Variants in KDM1B observed in about 807,000 individuals in gnomAD.
KDM1B encodes lysine demethylase 1B.
Under a neutral mutation model 107.4 loss-of-function variants are expected in KDM1B, and 63 were observed. The observed-to-expected ratio is 0.59, with a 90% CI of 0.48 to 0.72. KDM1B has a LOEUF of 0.72. Ranked by LOEUF, KDM1B falls within the 30% of genes least tolerant of loss-of-function variation. The pLI, the probability that KDM1B is intolerant of heterozygous loss-of-function variation, is 0.00. For synonymous variants in KDM1B, 363 were observed against 363.9 expected (o/e 1.00, Z 0.03); for missense variants, 749 against 1,020.8 (o/e 0.73, Z 3.63).
chr6:18,216,619 T>C (rs1014528573), intron 20 of KDM1B, among the ~76,000 whole-genome samples: 13 of 152,312 alleles, frequency 8.5e-5, no homozygotes, highest in African/African-American at 3.1e-4. Context: ...TCTGAAAATA[T>C]TTGATGGAAA....
intron 20 of KDM1B, among the ~76,000 whole-genome samples, 154 bp from the exon 21 acceptor site, chr6:18,217,579 G>T (rs371316430): frequency 6.6e-6 from 1 of 151,908 alleles, no homozygotes; most frequent in South Asian, 2.1e-4. Flanking sequence ...GGGTTTCACC[G>T]TGTTAGCCAG....
intron 7 of KDM1B, among the ~76,000 whole-genome samples, chr6:18,178,175 T>A (rs1223773436): frequency 6.6e-6 from 1 of 151,832 alleles, no homozygotes; most frequent in African/African-American, 2.4e-5. Context: ...CACCATCTCC[T>A]GGGTTCAAGC....
chr6:18,181,615 G>A (rs749107746), intron 7 of KDM1B, among the ~76,000 whole-genome samples: 6 of 151,908 alleles, frequency 3.9e-5, no homozygotes, highest in African/African-American at 1.4e-4. Flanking sequence ...GCCTGGTGAC[G>A]CGCTCCTGTA....
In KDM1B at chr6:18,204,073, G is replaced by A. The variant is rs1788217158; in HGVS notation, c.1532-1464G>A. On this transcript the variant is annotated intron_variant, in intron 14 of 21. Transcript: ENST00000650836. The surrounding 1 kb of genome is among the most constrained non-coding windows in gnomAD (Gnocchi z 4.9). ...ACAGGCACAAATCTGGAGGCCTCTT[G>A]GGCATCCGCATGTTACAATCTAGTG... 6.6e-6 allele frequency among the ~76,000 whole-genome samples: 1 copy of A among 152,138 alleles called. No homozygotes were observed. The highest frequency in any genetic ancestry group is 2.1e-4 in the South Asian group (1 of 4,820).
intron 7 of KDM1B, among the ~76,000 whole-genome samples, chr6:18,183,852 T>C (rs1176933552): frequency 6.6e-6 from 1 of 151,946 alleles, no homozygotes; most frequent in Admixed American, 6.6e-5. Flanking sequence ...AAGGGCTGTT[T>C]CTAGTTTTTG....
intron 10 of KDM1B, among the ~76,000 whole-genome samples, chr6:18,193,058 G>A (rs72840611): frequency 7.6e-4 from 116 of 151,700 alleles, no homozygotes; most frequent in Admixed American, 2.2e-3. Context: ...GCTGGAGGTG[G>A]TGCTGGGTGG....
At chr6:18,188,141 T>G (rs1202338214) in intron 9 of KDM1B, 139 bp downstream of exon 9, 2 of 772,568 alleles carry the variant, frequency 2.6e-6, no homozygotes, top group Non-Finnish European at 4.2e-6. Flanking sequence ...TCCCAGCACT[T>G]TGGGTGGCCG....
chr6:18,179,850 C>CTTTT (rs67156330), intron 7 of KDM1B, among the ~76,000 whole-genome samples: 2 of 9,636 alleles, frequency 2.1e-4, no homozygotes, highest in Non-Finnish European at 2.2e-4. Context: ...GTTTTTTTTC[C>CTTTT]TTTTTTTTTT....
rs566592757 is a variant in KDM1B at position 18,209,493 on chromosome 6, G to A, written c.1866+1287G>A. ...CATTATTCCTGCCATTAACCAACTC[G>A]GAGATCTTGGGCAGCAATCCCCGGG... On this transcript the variant is annotated intron_variant, in intron 17 of 21. Coordinates refer to ENST00000650836, the MANE Select transcript of KDM1B (RefSeq NM_001364614.2). The surrounding 1 kb of genome is among the most constrained non-coding windows in gnomAD (Gnocchi z 4.3). 1.8e-4 allele frequency among the ~76,000 whole-genome samples: 27 copies of A among 152,296 alleles called. No individual in the cohort carries two copies. Among genetic ancestry groups the A allele is most frequent in the African/African-American group, 5.5e-4 (23 of 41,558 alleles).
intron 21 of KDM1B, among the ~76,000 whole-genome samples, chr6:18,218,583 C>T (rs114999149): frequency 6.0e-4 from 92 of 152,282 alleles, no homozygotes; most frequent in African/African-American, 2.2e-3. Flanking sequence ...GTGTAAATGT[C>T]ATTTACTGCT....
intron 10 of KDM1B, among the ~76,000 whole-genome samples, chr6:18,195,237 T>C (rs1014788725): frequency 2.0e-5 from 3 of 152,234 alleles, no homozygotes; most frequent in Non-Finnish European, 4.4e-5. Context: ...ATACTGCTGC[T>C]GTGAACATTT....
rs564140928 is a variant in KDM1B, at chr6:18,182,214, T to C, written c.535-3558T>C. 4.2e-4 allele frequency among the ~76,000 whole-genome samples: 64 copies of C among 152,260 alleles called. No homozygotes were observed. In the South Asian group the frequency reaches 0.013, roughly 31 times the overall value. On this transcript the variant is annotated intron_variant, in intron 7 of 21. Transcript: ENST00000650836. ...CTTTTTAAATTCCAATTTCTATGGA[T>C]AATATCAAATCTCTTCCCCCAACCC...
At chr6:18,208,684 A>G (rs1290372169) in intron 17 of KDM1B, among the ~76,000 whole-genome samples, 6 of 105,352 alleles carry the variant, frequency 5.7e-5, no homozygotes, top group South Asian at 3.8e-4. Flanking sequence ...TCGTGCTGTC[A>G]CCCAGGCTGG....
At position 18,222,364 on chromosome 6, in the gene KDM1B, C is replaced by G. The variant is rs1390970828; in HGVS notation, c.*372C>G. ...TCATACATTGAGAAACCAAGTCAAT[C>G]AAGCAGGAATCATTTAAAAACCAGA... On this transcript the variant is annotated 3_prime_UTR_variant, in exon 22 of 22. Coordinates refer to ENST00000650836, the MANE Select transcript of KDM1B (RefSeq NM_001364614.2). 3 of 335,720 alleles carry G rather than the reference C, an allele frequency of 8.9e-6. No homozygotes were observed. Among genetic ancestry groups the G allele is most frequent in the Non-Finnish European group, 1.7e-5 (3 of 172,788 alleles). 20.8% of individuals were successfully genotyped at this position (335,720 alleles called of 1,614,324 possible).
In KDM1B at chr6:18,159,070, C is replaced by T. The variant is rs1207158660; in HGVS notation, c.-13-813C>T. Among the ~76,000 whole-genome samples, 3 of 152,174 alleles carry T rather than the reference C, an allele frequency of 2.0e-5. No homozygotes were observed. Among genetic ancestry groups the T allele is most frequent in the Admixed American group, 6.6e-5 (1 of 15,266 alleles). On this transcript the variant is annotated intron_variant, in intron 2 of 21. Coordinates refer to ENST00000650836, the MANE Select transcript of KDM1B (RefSeq NM_001364614.2). The surrounding 1 kb of genome is among the most constrained non-coding windows in gnomAD (Gnocchi z 4.5). ...GCAACCTCCGCCTCCCTGGTTCAGG[C>T]GATTCTCCTGCCCCAGCCTCCTGAG...
intron 7 of KDM1B, among the ~76,000 whole-genome samples, chr6:18,178,025 C>T (rs976413378): frequency 8.5e-5 from 13 of 152,060 alleles, no homozygotes; most frequent in African/African-American, 3.1e-4. Context: ...TGCCTTTGTT[C>T]AATTTATTTC....
rs771065158 is a variant in KDM1B, at chr6:18,197,636, G to A, written c.1196G>A (p.Arg399Lys). 11 of 1,613,898 alleles carry A rather than the reference G, an allele frequency of 6.8e-6. No homozygotes were observed. The highest frequency in any genetic ancestry group is 9.3e-6 in the Non-Finnish European group (11 of 1,179,814). The change falls in exon 12 of 22, where the codon AGG becomes AAG. Residue 399 changes from arginine to lysine, a missense_variant. Coordinates refer to ENST00000650836, the MANE Select transcript of KDM1B (RefSeq NM_001364614.2). The surrounding 1 kb of genome is among the most constrained non-coding windows in gnomAD (Gnocchi z 4.5). ...GAGPAGLAAARQLHNFGIKVT... is the reference protein window; with the variant it reads ...GAGPAGLAAAKQLHNFGIKVT... ...GGTCCAGCAGGATTAGCAGCTGCTA[G>A]GCAACTGCATAACTTTGGAATTAAG...
chr6:18,199,751 G>A (rs1257599410), intron 12 of KDM1B, among the ~76,000 whole-genome samples: 1 of 147,716 alleles, frequency 6.8e-6, no homozygotes, highest in Non-Finnish European at 1.5e-5. Context: ...AAGCTTATTT[G>A]CAGTCCTAAA....
At chr6:18,220,761 T>C (rs1439057849) in intron 21 of KDM1B, among the ~76,000 whole-genome samples, 1 of 151,700 alleles carries the variant, frequency 6.6e-6, no homozygotes, top group East Asian at 1.9e-4. Context: ...GATGCGATTA[T>C]TACCTCACCT....
Sources: allele counts gnomAD v4.1 joint callset (sites outside exome capture counted in the v4.1 genomes callset), GRCh38; gene constraint gnomAD v4.1.1; non-coding constraint Gnocchi (gnomAD v3.1); transcripts MANE v1.5; gene names NCBI Gene and HGNC (gene_info 2026-07-23, HGNC 2026-07-21).